CFAP299: variants seen among roughly 807,000 people sequenced by gnomAD.
CFAP299 encodes the protein cilia- and flagella-associated protein 299.
Under a neutral mutation model 27.0 loss-of-function variants are expected in CFAP299, and 21 were observed. The observed-to-expected ratio is 0.78, with a 90% CI of 0.55 to 1.12. The LOEUF (loss-of-function observed/expected upper bound fraction) is 1.12, where lower values mean the gene tolerates loss of function less well. CFAP299 is among the 50% of genes most tolerant of loss of function. CFAP299 has a pLI of 0.00. For missense variants in CFAP299, 310 were observed against 276.6 expected, an observed-to-expected ratio of 1.12 and a Z score of -0.86; for synonymous variants, 104 against 98.1, an observed-to-expected ratio of 1.06 and a Z score of -0.36.
At chr4:80,798,502 C>T (rs183426179) in intron 3 of CFAP299, among the ~76,000 whole-genome samples, 318 of 152,238 alleles carry the variant, frequency 2.1e-3, no homozygotes, top group Non-Finnish European at 3.2e-3. Context: ...ATTCAATGCC[C>T]TCACTTTAAC....
chr4:80,652,579 ATAAT>A (rs1740357519), intron 3 of CFAP299, among the ~76,000 whole-genome samples: 1 of 152,160 alleles, frequency 6.6e-6, no homozygotes, highest in African/African-American at 2.4e-5. Flanking sequence ...AAATATTTTA[ATAAT>A]TAACTTTAAC....
chr4:80,787,659 C>G (rs912874468), intron 3 of CFAP299, among the ~76,000 whole-genome samples: 1 of 151,912 alleles, frequency 6.6e-6, no homozygotes, highest in African/African-American at 2.4e-5. Context: ...TATAGTAGGT[C>G]CTTTCAGTTA....
At chr4:80,448,171 G>A (rs1451038185) in intron 2 of CFAP299, among the ~76,000 whole-genome samples, 1 of 152,190 alleles carries the variant, frequency 6.6e-6, no homozygotes, top group African/African-American at 2.4e-5. Flanking sequence ...TTTCTTCTGG[G>A]CAACCTCTTT....
intron 3 of CFAP299, among the ~76,000 whole-genome samples, chr4:80,754,089 T>C (rs73829115): frequency 0.054 from 8,219 of 152,238 alleles, 760 homozygotes; most frequent in African/African-American, 0.19. Context: ...TGTTGTGGAC[T>C]GAACATACTG....
chr4:80,618,058 G>A (rs1738386648), intron 3 of CFAP299, among the ~76,000 whole-genome samples: 2 of 152,128 alleles, frequency 1.3e-5, no homozygotes, highest in South Asian at 4.1e-4. Flanking sequence ...ATGGTCATTT[G>A]CATACCGCAT....
In CFAP299 at chr4:80,935,484, T is replaced by G. The variant is rs192095015; in HGVS notation, c.477-9326T>G. On this transcript the variant is annotated intron_variant, in intron 4 of 5. Coordinates refer to ENST00000358105, the MANE Select transcript of CFAP299 (RefSeq NM_152770.3). ...CAAGCAATGGGGAAAGTATTCCCTATTCAATAAATGATGCTGGGATAACTG... is the reference window on the plus strand; with the variant it reads ...CAAGCAATGGGGAAAGTATTCCCTAGTCAATAAATGATGCTGGGATAACTG... 2.9e-3 allele frequency among the ~76,000 whole-genome samples: 439 copies of G among 152,220 alleles called. 1 individual carries two copies. The highest frequency in any genetic ancestry group is 4.5e-3 in the Non-Finnish European group (307 of 67,990).
chr4:80,397,183 A>G (rs1402918828), intron 2 of CFAP299, among the ~76,000 whole-genome samples: 2 of 152,046 alleles, frequency 1.3e-5, no homozygotes. Context: ...TGTTTATAGT[A>G]TTATCTGATG....
chr4:80,441,691 A>G (rs1275980359), intron 2 of CFAP299, among the ~76,000 whole-genome samples: 1 of 152,236 alleles, frequency 6.6e-6, no homozygotes, highest in East Asian at 1.9e-4. Context: ...ACAGGGTTAA[A>G]TTCACACATA....
In CFAP299 at chr4:80,345,078, A is replaced by G. The variant is rs572252168; in HGVS notation, c.111+9199A>G. On this transcript the variant is annotated intron_variant, in intron 1 of 5. Coordinates refer to ENST00000358105, the MANE Select transcript of CFAP299 (RefSeq NM_152770.3). ...AAGTATTCCCCATGAAAACTGGCAC[A>G]AGACAAGGATGTCCTCTCTCTCATT... Among the ~76,000 whole-genome samples the G allele has an allele frequency of 1.7e-3, 263 of 152,352 alleles. 1 individual carries two copies. The highest frequency in any genetic ancestry group is 5.8e-3 in the African/African-American group (241 of 41,578).
intron 3 of CFAP299, among the ~76,000 whole-genome samples, chr4:80,701,369 A>G (rs534011750): frequency 1.3e-5 from 2 of 152,216 alleles, no homozygotes; most frequent in African/African-American, 4.8e-5. Flanking sequence ...TCAAACACCA[A>G]TCATCAAACA....
chr4:80,388,254 G>A, intron 2 of CFAP299: 1 of 690,282 alleles, frequency 1.4e-6, no homozygotes, highest in Non-Finnish European at 2.7e-6. Flanking sequence ...GGGCCCTAGG[G>A]CATGGGCTGG....
intron 2 of CFAP299, among the ~76,000 whole-genome samples, chr4:80,503,293 T>G (rs1182583549): frequency 6.6e-6 from 1 of 152,136 alleles, no homozygotes; most frequent in African/African-American, 2.4e-5. Flanking sequence ...ATATTATAAG[T>G]GCATATTCAA....
intron 2 of CFAP299, among the ~76,000 whole-genome samples, chr4:80,392,786 A>G (rs768941947): frequency 6.6e-6 from 1 of 152,236 alleles, no homozygotes; most frequent in Non-Finnish European, 1.5e-5. Flanking sequence ...AAAGTGTAGC[A>G]TATATAATTG....
At chr4:80,873,948 G>T (rs888855008) in intron 4 of CFAP299, among the ~76,000 whole-genome samples, 3 of 152,188 alleles carry the variant, frequency 2.0e-5, no homozygotes, top group African/African-American at 4.8e-5. Flanking sequence ...GCTTTGAAAG[G>T]TATTATTGTC....
intron 5 of CFAP299, among the ~76,000 whole-genome samples, chr4:80,956,448 A>G (rs564394535): frequency 3.3e-5 from 5 of 151,988 alleles, no homozygotes; most frequent in African/African-American, 1.2e-4. Flanking sequence ...TTATTTATAT[A>G]TTTATTTTAG....
chr4:80,493,506 G>C (rs1374102654), intron 2 of CFAP299, among the ~76,000 whole-genome samples: 1 of 152,160 alleles, frequency 6.6e-6, no homozygotes, highest in Non-Finnish European at 1.5e-5. Flanking sequence ...GGTGGAGCAG[G>C]TGATCAGAAT....
At chr4:80,582,021 T>C (rs1736199664) in intron 2 of CFAP299, among the ~76,000 whole-genome samples, 1 of 151,802 alleles carries the variant, frequency 6.6e-6, no homozygotes, top group Non-Finnish European at 1.5e-5. Flanking sequence ...TATTACCTGG[T>C]TTCTCTCTCA....
At chr4:80,606,971 G>A (rs991839825) in intron 3 of CFAP299, among the ~76,000 whole-genome samples, 11 of 151,904 alleles carry the variant, frequency 7.2e-5, no homozygotes, top group African/African-American at 2.7e-4. Flanking sequence ...GACTTTTCTT[G>A]TCTTTGATGC....
chr4:80,817,526 CTTCACAGATGCTAACTAGATA>C (rs1429256585), intron 3 of CFAP299, among the ~76,000 whole-genome samples: 1 of 151,964 alleles, frequency 6.6e-6, no homozygotes, highest in Non-Finnish European at 1.5e-5. Flanking sequence ...TGCAATCTTT[CTTCACAGATGCTAACTAGATA>C]TTCATTTATG....
Sources: gnomAD v4.1 joint callset for allele counts (sites outside exome capture counted in the v4.1 genomes callset) on GRCh38, gnomAD v4.1.1 for gene constraint, MANE v1.5 for transcripts, NCBI Gene and HGNC (gene_info 2026-07-23, HGNC 2026-07-21) for gene names.